Variants in SKA1 observed in about 807,000 individuals in gnomAD.
The protein encoded by SKA1 is SKA complex subunit 1.
A neutral mutation model predicts 31.8 loss-of-function variants in SKA1; 20 were observed. That is an observed-to-expected ratio of 0.63 (90% CI 0.44 to 0.91). The LOEUF (loss-of-function observed/expected upper bound fraction) is 0.91, where lower values mean the gene tolerates loss of function less well. Among genes scored for constraint, SKA1 ranks in the 40% least tolerant of loss-of-function variants. The pLI, the probability that SKA1 is intolerant of heterozygous loss-of-function variation, is 0.00. For synonymous variants in SKA1, 88 were observed against 100.5 expected, an observed-to-expected ratio of 0.88 and a Z score of 0.74; for missense variants, 253 against 298.2, an observed-to-expected ratio of 0.85 and a Z score of 1.12.
Position 50,385,371 on chromosome 18 carries a change from A to G in SKA1, c.449+18A>G. 1 of 1,558,494 alleles carries G rather than the reference A, an allele frequency of 6.4e-7. No homozygotes were observed. Among genetic ancestry groups the G allele is most frequent in the Non-Finnish European group, 8.7e-7 (1 of 1,148,908 alleles). On this transcript the variant is annotated intron_variant, in intron 5 of 6. Coordinates refer to ENST00000285116, the MANE Select transcript of SKA1 (RefSeq NM_145060.4). ...GTTCCTTCGTAAGTATTTAAGATAAATAATGTTCAACCCCTTAATAAACAT... is the reference window on the plus strand; with the variant it reads ...GTTCCTTCGTAAGTATTTAAGATAAGTAATGTTCAACCCCTTAATAAACAT...
intron 1 of SKA1, 77 bp from the exon 2 acceptor site, chr18:50,375,743 C>G: frequency 1.2e-6 from 1 of 847,360 alleles, no homozygotes; most frequent in Non-Finnish European, 1.9e-6. Context: ...TGACATTGAC[C>G]ATTCTTGGAT....
chr18:50,388,517 G>A (rs1337449970), intron 5 of SKA1, among the ~76,000 whole-genome samples: 1 of 137,182 alleles, frequency 7.3e-6, no homozygotes, highest in Non-Finnish European at 1.6e-5. Context: ...CCTTGTTGTA[G>A]TGGTGGTAAG....
At chr18:50,382,850 T>C (rs1013311298) in intron 4 of SKA1, among the ~76,000 whole-genome samples, 3 of 152,114 alleles carry the variant, frequency 2.0e-5, no homozygotes, top group South Asian at 2.1e-4. Context: ...CTGGGCAACA[T>C]GGTGAAACCC....
chr18:50,391,849 T>C (rs1295106631), intron 6 of SKA1, among the ~76,000 whole-genome samples: 3 of 152,238 alleles, frequency 2.0e-5, no homozygotes, highest in African/African-American at 7.2e-5. Flanking sequence ...TTATAACCAC[T>C]ATGTCACATT....
chr18:50,383,683 A>G (rs2041280211), intron 4 of SKA1, among the ~76,000 whole-genome samples: 2 of 152,202 alleles, frequency 1.3e-5, no homozygotes, highest in East Asian at 3.9e-4. Flanking sequence ...TTTTCTTCTA[A>G]GCTGACTATG....
rs1438084221 is a variant in SKA1, at chr18:50,380,334, G to A, written c.213+84G>A. The A allele has an allele frequency of 4.4e-6, 6 of 1,353,518 alleles. No homozygotes were observed. The African/African-American group carries it at 9.3e-5, about 21-fold the overall frequency. 83.8% of individuals were successfully genotyped at this position (1,353,518 alleles called of 1,614,324 possible). On this transcript the variant is annotated intron_variant, in intron 3 of 6. Transcript: ENST00000285116. ...ATTAAGTAATTTTTAAGGATGCTTT[G>A]TTTATAATGTTTTTTGTTTATAAAT...
chr18:50,378,402 T>G (rs2041238281), intron 2 of SKA1, among the ~76,000 whole-genome samples: 1 of 152,164 alleles, frequency 6.6e-6, no homozygotes, highest in Non-Finnish European at 1.5e-5. Context: ...TAAAAAACAG[T>G]GACCAGACAC....
chr18:50,384,195 TTCAGA>T (rs1333555428), intron 4 of SKA1, among the ~76,000 whole-genome samples: 9 of 152,238 alleles, frequency 5.9e-5, no homozygotes, highest in Non-Finnish European at 1.5e-5. Flanking sequence ...TAATTTACCA[TTCAGA>T]TAAGATAGGG....
chr18:50,384,871 T>TAAAAAAAAAAAAAAAAAAAG (rs2041292849), intron 4 of SKA1, among the ~76,000 whole-genome samples: 53 of 82,586 alleles, frequency 6.4e-4, no homozygotes, highest in Admixed American at 8.0e-4. Flanking sequence ...AAAAAAAAAT[T>TAAAAAAAAAAAAAAAAAAAG]AAAAAAAAAA....
At chr18:50,380,314 G>A (rs1224151109) in intron 3 of SKA1, 64 bp downstream of exon 3, 2 of 1,457,964 alleles carry the variant, frequency 1.4e-6, no homozygotes, top group Non-Finnish European at 1.8e-6. Context: ...TAATCATTAA[G>A]TAATTTTTAA....
chr18:50,391,417 T>C, intron 6 of SKA1, 124 bp downstream of exon 6: 1 of 979,724 alleles, frequency 1.0e-6, no homozygotes, highest in Non-Finnish European at 1.4e-6. Context: ...GGAGCAGTTA[T>C]CCTACCAGGA....
intron 5 of SKA1, 64 bp from the exon 6 acceptor site, chr18:50,391,060 T>C: frequency 8.2e-7 from 1 of 1,220,958 alleles, no homozygotes; most frequent in Non-Finnish European, 1.1e-6. Context: ...CTTATGTTTT[T>C]CAAGGAAAGT....
rs772588552 is a variant in SKA1 at position 50,380,222 on chromosome 18, A to T, written c.185A>T (p.Tyr62Phe). ...AATAAATTGGAATTGGAAATTCAGT[A>T]TCAAGAACAAACCAACAATTCACTC... The part of the protein sequence containing the change: ...LLNKLELEIQ[Y>F]QEQTNNSLKE... Residue 62 changes from tyrosine to phenylalanine, a missense_variant, in exon 3 of 7, where the codon TAT becomes TTT. Physicochemically the swap from Tyr to Phe is conservative, Grantham distance 22 (BLOSUM62 3). Coordinates refer to ENST00000285116, the MANE Select transcript of SKA1 (RefSeq NM_145060.4). 3.2e-6 allele frequency: 5 copies of T among 1,547,908 alleles called. No homozygotes were observed. Among genetic ancestry groups the T allele is most frequent in the African/African-American group, 2.8e-5 (2 of 70,194 alleles).
chr18:50,381,834 T>TC (rs1224893848), intron 3 of SKA1, among the ~76,000 whole-genome samples: 1 of 148,612 alleles, frequency 6.7e-6, no homozygotes, highest in Non-Finnish European at 1.5e-5. Context: ...CAAGCAGTTC[T>TC]CCCCCCTCAG....
At chr18:50,390,612 C>T (rs372832898) in intron 5 of SKA1, among the ~76,000 whole-genome samples, 8 of 152,290 alleles carry the variant, frequency 5.3e-5, no homozygotes, top group Middle Eastern at 3.4e-3. Flanking sequence ...TCCCCTACCC[C>T]ATCAGTTCTC....
chr18:50,385,761 C>A (rs1459763202), intron 5 of SKA1, among the ~76,000 whole-genome samples: 1 of 152,154 alleles, frequency 6.6e-6, no homozygotes, highest in East Asian at 1.9e-4. Flanking sequence ...ATATTCCAGG[C>A]CCTGGGTCAC....
At chr18:50,390,369 G>A (rs1366231815) in intron 5 of SKA1, among the ~76,000 whole-genome samples, 2 of 152,210 alleles carry the variant, frequency 1.3e-5, no homozygotes, top group Non-Finnish European at 2.9e-5. Flanking sequence ...AATTGAAGCA[G>A]ATCATCAAGT....
chr18:50,387,142 C>A (rs2041315743), intron 5 of SKA1, among the ~76,000 whole-genome samples: 1 of 152,206 alleles, frequency 6.6e-6, no homozygotes, highest in South Asian at 2.1e-4. Context: ...ACAGAACATT[C>A]CTCTTGCTCC....
chr18:50,377,838 T>C (rs576659914), intron 2 of SKA1, among the ~76,000 whole-genome samples: 3 of 152,350 alleles, frequency 2.0e-5, no homozygotes, highest in African/African-American at 4.8e-5. Flanking sequence ...CAGTCCTGTA[T>C]TGATAACTAC....
Sources: allele counts gnomAD v4.1 joint callset (sites outside exome capture counted in the v4.1 genomes callset), GRCh38; gene constraint gnomAD v4.1.1; transcripts MANE v1.5; gene names NCBI Gene and HGNC (gene_info 2026-07-23, HGNC 2026-07-21).